The following HSPA12A variants were observed in gnomAD, a reference collection of about 807,000 sequenced individuals.
HSPA12A encodes the protein heat shock 70 kDa protein 12A.
A neutral mutation model predicts 69.2 loss-of-function variants in HSPA12A; 28 were observed. The observed-to-expected ratio is 0.40, with a 90% CI of 0.30 to 0.55. HSPA12A has a LOEUF of 0.55. Ranked by LOEUF, HSPA12A falls within the 20% of genes least tolerant of loss-of-function variation. The pLI, the probability that HSPA12A is intolerant of heterozygous loss-of-function variation, is 0.38. For synonymous variants in HSPA12A, 345 were observed against 370.5 expected (o/e 0.93, Z 0.79); for missense variants, 686 against 900.7 (o/e 0.76, Z 3.05).
At chr10:116,689,397 G>A (rs1260931950) in intron 6 of HSPA12A, among the ~76,000 whole-genome samples, 2 of 152,074 alleles carry the variant, frequency 1.3e-5, no homozygotes, top group African/African-American at 4.8e-5. Context: ...CTGAAGTTGG[G>A]CCCATGGGAT....
intron 1 of HSPA12A, among the ~76,000 whole-genome samples, chr10:116,716,058 G>A (rs563358014): frequency 2.0e-5 from 3 of 151,752 alleles, no homozygotes; most frequent in East Asian, 2.0e-4. Context: ...TGGGATGGGC[G>A]CCAGCCAGAT....
chr10:116,671,515 TG>T lies in HSPA12A; in HGVS notation c.*3265del, dbSNP rs1473515144. The T allele has an allele frequency of 2.0e-5, 3 of 152,540 alleles. No homozygotes were observed. The highest frequency in any genetic ancestry group is 4.4e-5 in the Non-Finnish European group (3 of 68,050). The allele number at this position is 152,540 out of a possible 1,614,324, so 9.4% of individuals were successfully genotyped here. A position where few individuals can be genotyped will look rare whatever the true frequency, so the allele number is the denominator to read the frequency against. ...AATGCATTCTGACTCCTGTTTACATTGGTGCATGCGATTCTTTGCTACCCTG... is the reference window on the plus strand; with the variant it reads ...AATGCATTCTGACTCCTGTTTACATTGTGCATGCGATTCTTTGCTACCCTG... On this transcript the variant is annotated 3_prime_UTR_variant, in exon 12 of 12. Transcript: ENST00000369209.
At chr10:116,704,763 A>T (rs1338288634) in intron 3 of HSPA12A, among the ~76,000 whole-genome samples, 8 of 152,178 alleles carry the variant, frequency 5.3e-5, no homozygotes, top group Admixed American at 5.2e-4. Context: ...ACAGATGAGG[A>T]AACTGGGGTT....
rs1367791261 is a variant in HSPA12A at position 116,672,301 on chromosome 10, G to C, written c.*2480C>G. On this transcript the variant is annotated 3_prime_UTR_variant, in exon 12 of 12. Coordinates refer to ENST00000369209, the MANE Select transcript of HSPA12A (RefSeq NM_025015.3). ...GTCAACGACCCCTCAGGACACAAAG[G>C]GTTTCTTAGGTTGTTCTGCGCAGTC... 6.6e-6 allele frequency: 1 copy of C among 152,146 alleles called. No individual in the cohort carries two copies. Among genetic ancestry groups the C allele is most frequent in the African/African-American group, 2.4e-5 (1 of 41,422 alleles). The allele number at this position is 152,146 out of a possible 1,614,324, so 9.4% of individuals were successfully genotyped here.
intron 1 of HSPA12A, among the ~76,000 whole-genome samples, chr10:116,726,598 G>C (rs1303119381): frequency 6.6e-6 from 1 of 152,052 alleles, no homozygotes; most frequent in Non-Finnish European, 1.5e-5. Context: ...GTTCCTTCTG[G>C]GGGTGCCTGT....
intron 2 of HSPA12A, chr10:116,829,351 A>T (rs1417030008): frequency 6.5e-6 from 1 of 152,964 alleles, no homozygotes; most frequent in African/African-American, 2.4e-5. Context: ...TTCCTTTATA[A>T]ATTACCCAGT....
intron 10 of HSPA12A, among the ~76,000 whole-genome samples, chr10:116,677,010 C>T (rs1441645246): frequency 6.6e-6 from 1 of 152,154 alleles, no homozygotes; most frequent in Non-Finnish European, 1.5e-5. Context: ...CAGTGTGGAG[C>T]AGAGAGTCCT....
chr10:116,718,417 G>C (rs1850675151), intron 1 of HSPA12A, among the ~76,000 whole-genome samples: 1 of 152,172 alleles, frequency 6.6e-6, no homozygotes, highest in South Asian at 2.1e-4. Flanking sequence ...AGGCAGGAAG[G>C]GGAACCCTTG....
At chr10:116,736,683 T>A (rs1554886467) in intron 1 of HSPA12A, among the ~76,000 whole-genome samples, 1 of 151,996 alleles carries the variant, frequency 6.6e-6, no homozygotes, top group East Asian at 1.9e-4. Context: ...GGGGCCACGA[T>A]CCAAGGAATG....
At chr10:116,787,231 C>T (rs1305196767) in intron 2 of HSPA12A, among the ~76,000 whole-genome samples, 2 of 151,944 alleles carry the variant, frequency 1.3e-5, no homozygotes, top group Non-Finnish European at 2.9e-5. Context: ...GCAGAGCAAT[C>T]TGGAAATACC....
chr10:116,781,938 G>A (rs1023277628), intron 2 of HSPA12A, among the ~76,000 whole-genome samples: 4 of 152,174 alleles, frequency 2.6e-5, no homozygotes, highest in Non-Finnish European at 5.9e-5. Context: ...TCAAAAGACA[G>A]TAAAAAGGAA....
chr10:116,799,371 T>C (rs139156471), intron 2 of HSPA12A, among the ~76,000 whole-genome samples: 46 of 152,362 alleles, frequency 3.0e-4, no homozygotes, highest in Admixed American at 1.1e-3. Flanking sequence ...TTTCTTCTAC[T>C]GAACAGCGTG....
chr10:116,672,966 AAAG>A lies in HSPA12A; in HGVS notation c.*1812_*1814del, dbSNP rs1294234423. ...GGAATTCTGCAGCAGGCGATGCGAA[AAAG>A]AAGACATGGTCAAATGAAATGTGAA... On this transcript the variant is annotated 3_prime_UTR_variant, in exon 12 of 12. Transcript: ENST00000369209. The A allele has an allele frequency of 6.5e-5, 10 of 152,678 alleles. No homozygotes were observed. Among genetic ancestry groups the A allele is most frequent in the Non-Finnish European group, 1.0e-4 (7 of 68,048 alleles). 9.5% of individuals were successfully genotyped at this position (152,678 alleles called of 1,614,324 possible).
chr10:116,840,713 A>T (rs1390926954), intron 1 of HSPA12A, among the ~76,000 whole-genome samples: 2 of 152,206 alleles, frequency 1.3e-5, no homozygotes, highest in Non-Finnish European at 2.9e-5. Flanking sequence ...ACAGAGATCT[A>T]AGCTTAATTC....
intron 1 of HSPA12A, among the ~76,000 whole-genome samples, chr10:116,731,280 T>C (rs1851145543): frequency 6.6e-6 from 1 of 152,206 alleles, no homozygotes; most frequent in African/African-American, 2.4e-5. Context: ...AAGGTACCTT[T>C]ACAGTGAGGA....
intron 2 of HSPA12A, among the ~76,000 whole-genome samples, chr10:116,798,186 G>A (rs1844874341): frequency 6.6e-6 from 1 of 151,798 alleles, no homozygotes; most frequent in South Asian, 2.1e-4. Context: ...CGGTGGGGCG[G>A]GGTGGGGCAG....
intron 5 of HSPA12A, among the ~76,000 whole-genome samples, chr10:116,695,005 T>C (rs1849845369): frequency 6.6e-6 from 1 of 151,970 alleles, no homozygotes; most frequent in Non-Finnish European, 1.5e-5. Flanking sequence ...GCCTCCCCTG[T>C]CCCCTTGTCC....
intron 4 of HSPA12A, 81 bp from the exon 5 acceptor site, chr10:116,698,820 G>A (rs893303495): frequency 1.9e-6 from 2 of 1,065,950 alleles, no homozygotes; most frequent in Non-Finnish European, 1.4e-6. Flanking sequence ...GCTCCAAGGG[G>A]ACCTAGAGGA....
At chr10:116,849,705 C>T in exon 1 of HSPA12A, 1 of 1,538,118 alleles carries the variant, frequency 6.5e-7, no homozygotes, top group Non-Finnish European at 8.8e-7. Context: ...CTTCTACCTC[C>T]AGCCTGCCGA....
Sources: allele counts gnomAD v4.1 joint callset (sites outside exome capture counted in the v4.1 genomes callset), GRCh38; gene constraint gnomAD v4.1.1; transcripts MANE v1.5; gene names NCBI Gene and HGNC (gene_info 2026-07-23, HGNC 2026-07-21).